KCNAB2: variants seen among roughly 807,000 people sequenced by gnomAD.
KCNAB2 encodes the protein voltage-gated potassium channel subunit beta-2.
In KCNAB2, 29 loss-of-function variants were observed where a neutral mutation model predicts 63.6. That is an observed-to-expected ratio of 0.46 (90% CI 0.34 to 0.62). The LOEUF (loss-of-function observed/expected upper bound fraction) is 0.62. KCNAB2 is among the 20% of genes least tolerant of loss of function. KCNAB2 has a pLI of 0.01. For synonymous variants in KCNAB2, 222 were observed against 224.2 expected (o/e 0.99, Z 0.09); for missense variants, 359 against 563.9 (o/e 0.64, Z 3.68).
intron 10 of KCNAB2, among the ~76,000 whole-genome samples, chr1:6,093,928 G>A (rs534455633): frequency 2.6e-5 from 4 of 152,280 alleles, no homozygotes; most frequent in East Asian, 1.9e-4. Flanking sequence ...GGAATAGCCC[G>A]AAGTAGGAGA....
In KCNAB2 at chr1:6,096,666, A is replaced by G. The variant is rs1349012256; in HGVS notation, c.979A>G (p.Ser327Gly). The G allele has an allele frequency of 1.2e-6, 2 of 1,610,080 alleles. No individual in the cohort carries two copies. The highest frequency in any genetic ancestry group is 1.7e-6 in the Non-Finnish European group (2 of 1,179,054). ...GYQWLKDKIL[S>G]EEGRRQQAKL... ...CCAGTGGCTGAAGGACAAGATCCTC[A>G]GTGAGGAGGGCCGGCGCCAGCAAGC... The change falls in exon 14 of 16, where the codon AGT becomes GGT. Residue 327 changes from serine to glycine, a missense_variant. Ser to Gly is a moderately conservative substitution (Grantham distance 56). Transcript: ENST00000378083. The surrounding 1 kb of genome is among the most constrained non-coding windows in gnomAD (Gnocchi z 5.9).
chr1:6,072,722 G>A (rs1663313608), intron 2 of KCNAB2, 33 bp from the exon 3 acceptor site: 7 of 1,612,958 alleles, frequency 4.3e-6, no homozygotes, highest in African/African-American at 2.7e-5. Flanking sequence ...TCCTGCCTGG[G>A]TGCTGAGAAC....
At chr1:6,039,658 C>T (rs1207949993) in intron 1 of KCNAB2, among the ~76,000 whole-genome samples, 1 of 152,098 alleles carries the variant, frequency 6.6e-6, no homozygotes, top group African/African-American at 2.4e-5. Flanking sequence ...GAGCTGCAGT[C>T]GAGGTTCTTG....
rs925443156 is a variant in KCNAB2, at chr1:6,086,001, G to A, written c.425+753G>A. 2.0e-6 allele frequency: 2 copies of A among 985,368 alleles called. No individual in the cohort carries two copies. Among genetic ancestry groups the A allele is most frequent in the Admixed American group, 6.1e-5 (1 of 16,274 alleles). The allele number at this position is 985,368 out of a possible 1,614,324, so 61.0% of individuals were successfully genotyped here. ...ACCCTTCTCTCCCAGGAGCCTATGG[G>A]CCCTTCCCAGGCCAAGGTCCTCACC... is the stretch of plus-strand genomic sequence containing the variant. On this transcript the variant is annotated intron_variant, in intron 6 of 15. Transcript: ENST00000378083. The surrounding 1 kb of genome is among the most constrained non-coding windows in gnomAD (Gnocchi z 4.2).
chr1:6,051,868 C>A, intron 2 of KCNAB2, 114 bp downstream of exon 2: 1 of 1,237,106 alleles, frequency 8.1e-7, no homozygotes, highest in Non-Finnish European at 1.1e-6. Flanking sequence ...CTTGGGGAGG[C>A]AGAGGCGGGT....
rs1365874506 is a variant in KCNAB2 at position 5,994,598 on chromosome 1, G to A, written c.-53+1810G>A. On this transcript the variant is annotated intron_variant, in intron 1 of 16. Coordinates refer to the KCNAB2 transcript ENST00000341524. The surrounding 1 kb of genome is among the most constrained non-coding windows in gnomAD (Gnocchi z 5.4). The stretch of plus-strand genomic sequence containing the variant: ...AGTCAACACCTGGGGGCTGAGCCAG[G>A]CACTGGAGTTGGGGGGTGTCGTGAA... Among the ~76,000 whole-genome samples, 1 of 152,180 alleles carries A rather than the reference G, an allele frequency of 6.6e-6. No individual in the cohort carries two copies. Among genetic ancestry groups the A allele is most frequent in the Non-Finnish European group, 1.5e-5 (1 of 68,026 alleles).
At chr1:6,081,688 C>T (rs1664224855) in intron 4 of KCNAB2, among the ~76,000 whole-genome samples, 1 of 152,206 alleles carries the variant, frequency 6.6e-6, no homozygotes, top group Non-Finnish European at 1.5e-5. Flanking sequence ...TCACTCTGGT[C>T]TCTGCCTTCG....
chr1:6,084,949 C>A (rs1473199202), intron 5 of KCNAB2, among the ~76,000 whole-genome samples: 3 of 152,250 alleles, frequency 2.0e-5, no homozygotes, highest in Non-Finnish European at 2.9e-5. Flanking sequence ...GCTGGGGCCG[C>A]CACTGCTTAG....
upstream of KCNAB2, among the ~76,000 whole-genome samples, chr1:6,043,292 A>G (rs551675024): frequency 6.6e-6 from 1 of 151,138 alleles, no homozygotes; most frequent in South Asian, 2.1e-4. Flanking sequence ...GCCCACAGGT[A>G]CAGACCATCC....
At chr1:6,038,867 G>A (rs1328690850) in intron 1 of KCNAB2, among the ~76,000 whole-genome samples, 1 of 152,224 alleles carries the variant, frequency 6.6e-6, no homozygotes, top group Non-Finnish European at 1.5e-5. Flanking sequence ...TGCTGTGGAT[G>A]GGCGGGGCTG....
intron 1 of KCNAB2, among the ~76,000 whole-genome samples, chr1:6,010,426 G>A (rs1267132107): frequency 6.6e-6 from 1 of 152,000 alleles, no homozygotes; most frequent in Non-Finnish European, 1.5e-5. Flanking sequence ...AAGACCTCCG[G>A]CCCTTAAAAA....
rs956013780 is a variant in KCNAB2, at chr1:6,096,060, A to C, written c.948+436A>C. 1.7e-5 allele frequency: 8 copies of C among 458,520 alleles called. No individual in the cohort carries two copies. The highest frequency in any genetic ancestry group is 2.2e-5 in the Non-Finnish European group (5 of 228,648). The allele number at this position is 458,520 out of a possible 1,614,324, so 28.4% of individuals were successfully genotyped here. A position where few individuals can be genotyped will look rare whatever the true frequency, so the allele number is the denominator to read the frequency against. Reference sequence around the variant, plus strand: ...CCACACAACCTCTGAGTGGGGACTCAGGAGGGTCCCCAGACTGCAGGATCT... The same window carrying C: ...CCACACAACCTCTGAGTGGGGACTCCGGAGGGTCCCCAGACTGCAGGATCT... On this transcript the variant is annotated intron_variant, in intron 13 of 15. Coordinates refer to ENST00000378083, the MANE Select transcript of KCNAB2 (RefSeq NM_001199862.2). The surrounding 1 kb of genome is among the most constrained non-coding windows in gnomAD (Gnocchi z 5.9).
At chr1:6,015,451 A>G (rs1340866020) in intron 1 of KCNAB2, among the ~76,000 whole-genome samples, 1 of 152,144 alleles carries the variant, frequency 6.6e-6, no homozygotes, top group Admixed American at 6.5e-5. Flanking sequence ...TCATTTACAT[A>G]TTTGCTGCTT....
In KCNAB2 at chr1:6,086,528, C is replaced by T. The variant is rs143386390; in HGVS notation, c.426-939C>T. The stretch of plus-strand genomic sequence containing the variant: ...TCGTGAGCTGCTTCCCTGAGCAGCC[C>T]GGGACCCGGGTGGGAAAGAAGCTCA... On this transcript the variant is annotated intron_variant, in intron 6 of 15. Transcript: ENST00000378083. The surrounding 1 kb of genome is among the most constrained non-coding windows in gnomAD (Gnocchi z 4.2). Among the ~76,000 whole-genome samples, 3,300 of 152,112 alleles carry T rather than the reference C, an allele frequency of 0.022. 50 individuals carry two copies. Among genetic ancestry groups the T allele is most frequent in the Non-Finnish European group, 0.03 (2,029 of 67,974 alleles).
At chr1:6,004,803 C>T (rs1278697679) in intron 1 of KCNAB2, among the ~76,000 whole-genome samples, 1 of 152,188 alleles carries the variant, frequency 6.6e-6, no homozygotes, top group Non-Finnish European at 1.5e-5. Context: ...ACACAGTCCA[C>T]CCCACACAAT....
At chr1:6,019,731 A>G (rs1477638756) in intron 1 of KCNAB2, among the ~76,000 whole-genome samples, 1 of 152,194 alleles carries the variant, frequency 6.6e-6, no homozygotes, top group South Asian at 2.1e-4. Flanking sequence ...CGTGCTGCAC[A>G]GTGTCGGCCA....
At chr1:5,996,366 C>T (rs1656937510) in intron 1 of KCNAB2, among the ~76,000 whole-genome samples, 2 of 152,174 alleles carry the variant, frequency 1.3e-5, no homozygotes, top group Admixed American at 1.3e-4. Context: ...TCCTGCACAC[C>T]CACCATGGGA....
chr1:6,040,244 C>T (rs1314410669), intron 1 of KCNAB2, among the ~76,000 whole-genome samples: 2 of 152,170 alleles, frequency 1.3e-5, no homozygotes, highest in Admixed American at 6.5e-5. Flanking sequence ...AGGACCTCCA[C>T]GACATATAAG....
At chr1:6,012,262 AGGTGGAGATGGAGGCAGT>A (rs1255087571) in intron 1 of KCNAB2, among the ~76,000 whole-genome samples, 3 of 98,686 alleles carry the variant, frequency 3.0e-5, no homozygotes, top group Non-Finnish European at 2.0e-5. Flanking sequence ...TGGTGGGTGG[AGGTGGAGATGGAGGCAGT>A]GGTGGAGGTG....
Sources: allele counts gnomAD v4.1 joint callset (sites outside exome capture counted in the v4.1 genomes callset), GRCh38; gene constraint gnomAD v4.1.1; non-coding constraint Gnocchi (gnomAD v3.1); transcripts MANE v1.5; gene names NCBI Gene and HGNC (gene_info 2026-07-23, HGNC 2026-07-21).